XPO4: variants seen among roughly 807,000 people sequenced by gnomAD.
The protein encoded by XPO4 is exportin-4.
XPO4 carries 39 observed loss-of-function variants against 143.0 expected under a neutral mutation model. That is an observed-to-expected ratio of 0.27 (90% CI 0.21 to 0.36). The LOEUF (loss-of-function observed/expected upper bound fraction) is 0.36. Among genes scored for constraint, XPO4 ranks in the 10% least tolerant of loss-of-function variants. The pLI, the probability that XPO4 is intolerant of heterozygous loss-of-function variation, is 1.00. For missense variants in XPO4, 907 were observed against 1,348.0 expected (o/e 0.67, Z 5.12); for synonymous variants, 439 against 474.0 (o/e 0.93, Z 0.96).
Position 20,809,952 on chromosome 13 carries a change from T to C in XPO4, c.1189A>G (p.Met397Val), listed in dbSNP as rs764803988. The C allele has an allele frequency of 1.7e-5, 28 of 1,606,594 alleles. No homozygotes were observed. Among genetic ancestry groups the C allele is most frequent in the African/African-American group, 4.0e-5 (3 of 74,380 alleles). Reference sequence around the variant, plus strand: ...TTATCATATGCTTCCATGTATACCATGTCATCTTTATCAAGCTAAAAGAAA... The same window carrying C: ...TTATCATATGCTTCCATGTATACCACGTCATCTTTATCAAGCTAAAAGAAA... Reference protein sequence around the residue: ...ALEEVLDKDDMVYMEAYDKLL... With the variant: ...ALEEVLDKDDVVYMEAYDKLL... Residue 397 changes from methionine (M) to valine (V), a missense_variant, in exon 10 of 23, where the codon ATG (methionine) becomes GTG (valine). Coordinates refer to ENST00000255305, the MANE Select transcript of XPO4 (RefSeq NM_022459.5).
At position 20,777,573 on chromosome 13, in the gene XPO4, G is replaced by A. The variant is rs1216585360; in HGVS notation, c.*6149C>T. 2.0e-5 allele frequency: 3 copies of A among 152,332 alleles called. No individual in the cohort carries two copies. The East Asian group carries it at 5.8e-4, about 29-fold the overall frequency. 9.4% of individuals were successfully genotyped at this position (152,332 alleles called of 1,614,324 possible). On this transcript the variant is annotated 3_prime_UTR_variant, in exon 23 of 23. Transcript: ENST00000255305. ...AGAAATAACCATAACATCCAGGGCAGTGCAGTTATAAACAGGTGTACAAAT... is the reference window on the plus strand; with the variant it reads ...AGAAATAACCATAACATCCAGGGCAATGCAGTTATAAACAGGTGTACAAAT...
chr13:20,877,485 T>C (rs2060364108), intron 1 of XPO4, among the ~76,000 whole-genome samples: 1 of 152,176 alleles, frequency 6.6e-6, no homozygotes, highest in Admixed American at 6.5e-5. Flanking sequence ...GTAGACATGA[T>C]AGCTGTAGTT....
chr13:20,843,187 G>A, intron 5 of XPO4, 139 bp from the exon 6 acceptor site: 1 of 826,544 alleles, frequency 1.2e-6, no homozygotes, highest in Non-Finnish European at 1.8e-6. Context: ...TCCATTTTTA[G>A]GCCTCTACTT....
At chr13:20,869,435 T>A (rs1458326098) in intron 1 of XPO4, 1 of 802,498 alleles carries the variant, frequency 1.2e-6, no homozygotes, top group Non-Finnish European at 1.5e-6. Flanking sequence ...TTTAACCTAT[T>A]AAGACTTACA....
intron 7 of XPO4, among the ~76,000 whole-genome samples, chr13:20,826,309 AC>A (rs1350714177): frequency 7.9e-5 from 12 of 152,220 alleles, no homozygotes; most frequent in African/African-American, 2.9e-4. Context: ...CATAATACCA[AC>A]TTAACCAATG....
At chr13:20,902,516 G>A (rs1037698266) in intron 1 of XPO4, 154 bp downstream of exon 1, 7 of 985,292 alleles carry the variant, frequency 7.1e-6, no homozygotes, top group African/African-American at 3.5e-5. Context: ...GTAGGCTGAA[G>A]AATCCTGCGC....
chr13:20,822,085 C>T lies in XPO4; in HGVS notation c.998+47G>A, dbSNP rs369561140. On this transcript the variant is annotated intron_variant, in intron 8 of 22. Coordinates refer to ENST00000255305, the MANE Select transcript of XPO4 (RefSeq NM_022459.5). Reference sequence around the variant, plus strand: ...TCTTTTTTTCTTCTACTGTTAAACACAAAACGTAGAGCTCCTTTTTCAGCT... The same window carrying T: ...TCTTTTTTTCTTCTACTGTTAAACATAAAACGTAGAGCTCCTTTTTCAGCT... 8.4e-6 allele frequency: 13 copies of T among 1,550,520 alleles called. No individual in the cohort carries two copies. In the African/African-American group the frequency reaches 1.1e-4, roughly 13 times the overall value.
Position 20,821,794 on chromosome 13 carries a change from A to G in XPO4, c.1083T>C (p.Thr361=). Residue 361 remains threonine, a synonymous_variant, in exon 9 of 23, where the codon ACT becomes ACC. Transcript: ENST00000255305. ...AGGAGAAAAGTTCACTTGGAATGGC[A>G]GTTAAAACATTTCGTGGGAACACGG... The part of the protein sequence containing the change: ...LITVFPRNVL[T]AIPSELFSSF... 6.2e-7 allele frequency: 1 copy of G among 1,614,140 alleles called. No individual in the cohort carries two copies. Among genetic ancestry groups the G allele is most frequent in the Non-Finnish European group, 8.5e-7 (1 of 1,179,982 alleles).
chr13:20,851,022 C>T (rs567072411), intron 4 of XPO4: 1 of 985,308 alleles, frequency 1.0e-6, no homozygotes, highest in East Asian at 1.1e-4. Flanking sequence ...ATAGCCAATA[C>T]TAAATCAATG....
At chr13:20,898,913 C>T (rs948805615) in intron 1 of XPO4, among the ~76,000 whole-genome samples, 3 of 152,152 alleles carry the variant, frequency 2.0e-5, no homozygotes, top group African/African-American at 4.8e-5. Context: ...CAGTAGCTTA[C>T]GCCTATAATT....
chr13:20,828,535 ATAT>A (rs2059815267), intron 6 of XPO4, among the ~76,000 whole-genome samples: 1 of 152,150 alleles, frequency 6.6e-6, no homozygotes, highest in African/African-American at 2.4e-5. Context: ...AAAATAGCTA[ATAT>A]TATTCTGTCT....
Position 20,800,066 on chromosome 13 carries a change from T to C in XPO4, c.2147+90A>G. 3 of 1,437,912 alleles carry C rather than the reference T, an allele frequency of 2.1e-6. No homozygotes were observed. In the East Asian group the frequency reaches 7.0e-5, roughly 34 times the overall value. The allele number at this position is 1,437,912 out of a possible 1,614,324, so 89.1% of individuals were successfully genotyped here. On this transcript the variant is annotated intron_variant, in intron 15 of 22. Coordinates refer to ENST00000255305, the MANE Select transcript of XPO4 (RefSeq NM_022459.5). ...TCTGGAATTAGGACCGTGTAACCAT[T>C]TGCCAGTTCAAAGGACTACACTAAG...
chr13:20,800,678 G>T (rs2059421773), intron 14 of XPO4, among the ~76,000 whole-genome samples, 153 bp downstream of exon 14: 1 of 152,062 alleles, frequency 6.6e-6, no homozygotes, highest in Non-Finnish European at 1.5e-5. Flanking sequence ...CATTAAAACA[G>T]CATTCCAGTC....
chr13:20,844,271 G>A (rs2818994), intron 4 of XPO4, among the ~76,000 whole-genome samples: 44,085 of 152,066 alleles, frequency 0.29, 8,071 homozygotes, highest in East Asian at 0.8. Context: ...GTGACCTGGA[G>A]TACTTATCTA....
At position 20,783,692 on chromosome 13, in the gene XPO4, G is replaced by C; in HGVS notation, c.*30C>G. 6.2e-7 allele frequency: 1 copy of C among 1,607,984 alleles called. No individual in the cohort carries two copies. Among genetic ancestry groups the C allele is most frequent in the Non-Finnish European group, 8.5e-7 (1 of 1,174,436 alleles). The stretch of plus-strand genomic sequence containing the variant: ...AGCAATTCAGTGCACTTTGCAGAAA[G>C]GATCTAAATTAAGCATAAAGTTCTG... On this transcript the variant is annotated 3_prime_UTR_variant, in exon 23 of 23. Coordinates refer to ENST00000255305, the MANE Select transcript of XPO4 (RefSeq NM_022459.5).
intron 18 of XPO4, 63 bp downstream of exon 18, chr13:20,796,013 T>G (rs2059353705): frequency 6.8e-7 from 1 of 1,461,882 alleles, no homozygotes; most frequent in Admixed American, 2.0e-5. Flanking sequence ...CAGAAAACAA[T>G]CCTTTGATTT....
chr13:20,810,005 G>A (rs763620534), intron 9 of XPO4, 38 bp from the exon 10 acceptor site: 2 of 1,530,848 alleles, frequency 1.3e-6, no homozygotes, highest in East Asian at 2.3e-5. Flanking sequence ...AATGTCCAGA[G>A]AACGACAATT....
At chr13:20,875,439 A>T (rs543468840) in intron 1 of XPO4, among the ~76,000 whole-genome samples, 1 of 152,292 alleles carries the variant, frequency 6.6e-6, no homozygotes, top group Admixed American at 6.5e-5. Flanking sequence ...ATGTCCTTTC[A>T]AAAAGAGTCT....
chr13:20,808,508 C>G lies in XPO4; in HGVS notation c.1567G>C (p.Gly523Arg), dbSNP rs369383280. The change falls in exon 12 of 23, where the codon GGT (glycine) becomes CGT (arginine). Residue 523 changes from glycine to arginine, a missense_variant. Physicochemically the swap from Gly to Arg is moderately radical, Grantham distance 125. Transcript: ENST00000255305. Reference sequence around the variant, plus strand: ...ATTTTGTTGTCAACAGTGCTTGAACCCGGTGAAGCAAGTAACTGTTGCTGA... The same window carrying G: ...ATTTTGTTGTCAACAGTGCTTGAACGCGGTGAAGCAAGTAACTGTTGCTGA... Reference protein sequence around the residue: ...RHQQQLLASPGSSTVDNKMLD... With the variant: ...RHQQQLLASPRSSTVDNKMLD... 3 of 1,573,148 alleles carry G rather than the reference C, an allele frequency of 1.9e-6. No individual in the cohort carries two copies. Among genetic ancestry groups the G allele is most frequent in the East Asian group, 2.3e-5 (1 of 44,344 alleles).
Sources: gnomAD v4.1 joint callset for allele counts (sites outside exome capture counted in the v4.1 genomes callset) on GRCh38, gnomAD v4.1.1 for gene constraint, MANE v1.5 for transcripts, NCBI Gene and HGNC (gene_info 2026-07-23, HGNC 2026-07-21) for gene names.